The following FOCAD variants were observed in gnomAD, a reference collection of about 807,000 sequenced individuals.
The protein encoded by FOCAD is focadhesin.
A neutral mutation model predicts 225.6 loss-of-function variants in FOCAD; 198 were observed. That is an observed-to-expected ratio of 0.88 (90% confidence interval 0.78 to 0.99). FOCAD has a LOEUF of 0.99. Among genes scored for constraint, FOCAD ranks in the 50% least tolerant of loss-of-function variants. The pLI is 0.00. For missense variants in FOCAD, 2,713 were observed against 2,123.6 expected, an observed-to-expected ratio of 1.28 and a Z score of -5.46; for synonymous variants, 897 against 755.0, an observed-to-expected ratio of 1.19 and a Z score of -3.08.
In FOCAD at chr9:20,798,641, G is replaced by A. The variant is rs1189565207; in HGVS notation, c.1455+9033G>A. Among the ~76,000 whole-genome samples the A allele has an allele frequency of 3.3e-5, 5 of 152,194 alleles. No individual in the cohort carries two copies. The East Asian group carries it at 5.8e-4, about 18-fold the overall frequency. ...TTTTCTAGTTTATTTGCTTAGAGGT[G>A]TTTATAGTATTCTCTGATGGTAGTT... On this transcript the variant is annotated intron_variant, in intron 11 of 43. Transcript: ENST00000338382.
At chr9:20,802,008 T>C (rs964003343) in intron 11 of FOCAD, among the ~76,000 whole-genome samples, 4 of 152,236 alleles carry the variant, frequency 2.6e-5, no homozygotes, top group African/African-American at 9.6e-5. Context: ...TAATAGACTC[T>C]TAGGCAAGTT....
chr9:20,778,051 C>T (rs901701042), intron 8 of FOCAD, among the ~76,000 whole-genome samples: 9 of 125,538 alleles, frequency 7.2e-5, no homozygotes, highest in Non-Finnish European at 1.1e-4. Context: ...GATCGTGCCA[C>T]AGCACTCCCG....
At chr9:20,676,701 A>G (rs1418294071) in intron 2 of FOCAD, among the ~76,000 whole-genome samples, 1 of 152,200 alleles carries the variant, frequency 6.6e-6, no homozygotes, top group Non-Finnish European at 1.5e-5. Flanking sequence ...TTTCAATGCA[A>G]GTGGAAAGGA....
chr9:20,717,776 AT>A lies in FOCAD; in HGVS notation c.58-14del, dbSNP rs1402390128. ...AACTTCTAAGGGACTGTGTTCATTA[AT>A]TTTATTTCTTTTTAAGGCTGTGGGT... On this transcript the variant is annotated splice_polypyrimidine_tract_variant and intron_variant, in intron 2 of 43. Coordinates refer to ENST00000338382, the MANE Select transcript of FOCAD (RefSeq NM_001375567.1). The A allele has an allele frequency of 1.5e-5, 24 of 1,599,734 alleles. No individual in the cohort carries two copies. The highest frequency in any genetic ancestry group is 1.9e-5 in the Non-Finnish European group (22 of 1,170,824).
At chr9:20,800,314 C>G (rs903148739) in intron 11 of FOCAD, among the ~76,000 whole-genome samples, 8 of 152,002 alleles carry the variant, frequency 5.3e-5, no homozygotes, top group African/African-American at 1.9e-4. Context: ...GTGAATCTGA[C>G]AATTATGTGT....
intron 21 of FOCAD, among the ~76,000 whole-genome samples, chr9:20,890,640 G>T (rs1831533480): frequency 6.6e-6 from 1 of 152,010 alleles, no homozygotes; most frequent in South Asian, 2.1e-4. Flanking sequence ...TTTTCTTGTA[G>T]TAATTTTGCC....
At chr9:20,946,047 A>G (rs1307007783) in intron 29 of FOCAD, among the ~76,000 whole-genome samples, 1 of 151,690 alleles carries the variant, frequency 6.6e-6, no homozygotes, top group East Asian at 1.9e-4. Context: ...TCTTGGCTCC[A>G]TTCCCACCAT....
At chr9:20,867,932 A>T (rs1402971700) in intron 18 of FOCAD, among the ~76,000 whole-genome samples, 1 of 152,100 alleles carries the variant, frequency 6.6e-6, no homozygotes, top group Non-Finnish European at 1.5e-5. Context: ...CTGTTTACTG[A>T]ATTGAATTGG....
chr9:20,829,631 C>T (rs1825285623), intron 15 of FOCAD, among the ~76,000 whole-genome samples: 1 of 152,030 alleles, frequency 6.6e-6, no homozygotes, highest in African/African-American at 2.4e-5. Flanking sequence ...TAAAAGAATT[C>T]TGTCCTGATG....
intron 1 of FOCAD, among the ~76,000 whole-genome samples, chr9:20,706,436 G>A (rs1053100757): frequency 1.3e-5 from 2 of 152,138 alleles, no homozygotes; most frequent in African/African-American, 4.8e-5. Context: ...CAGCCAGTGA[G>A]ATCATCTGAA....
intron 1 of FOCAD, among the ~76,000 whole-genome samples, chr9:20,698,411 TA>T (rs1186187818): frequency 1.3e-5 from 2 of 152,116 alleles, no homozygotes; most frequent in Non-Finnish European, 2.9e-5. Flanking sequence ...TATTTATTTT[TA>T]TTTTTGAGAT....
chr9:20,763,345 A>G (rs946272144), intron 6 of FOCAD, among the ~76,000 whole-genome samples: 3 of 152,188 alleles, frequency 2.0e-5, no homozygotes, highest in African/African-American at 7.2e-5. Context: ...AATCTCAGCT[A>G]CTTGGGAGAC....
intron 6 of FOCAD, among the ~76,000 whole-genome samples, chr9:20,760,380 T>C (rs1829474203): frequency 6.6e-6 from 1 of 152,254 alleles, no homozygotes; most frequent in Non-Finnish European, 1.5e-5. Flanking sequence ...AAATCTAATA[T>C]GTCATAGTAG....
At chr9:20,757,620 G>A (rs1829173806) in intron 5 of FOCAD, among the ~76,000 whole-genome samples, 1 of 152,156 alleles carries the variant, frequency 6.6e-6, no homozygotes. Flanking sequence ...TGGGAATAAT[G>A]AAGTACCTGG....
At chr9:20,794,169 T>C (rs1820823548) in intron 11 of FOCAD, among the ~76,000 whole-genome samples, 1 of 152,206 alleles carries the variant, frequency 6.6e-6, no homozygotes, top group African/African-American at 2.4e-5. Context: ...AATTTAACAA[T>C]GTAACTAACC....
intron 24 of FOCAD, 24 bp from the exon 25 acceptor site, chr9:20,923,634 GTT>G (rs763167805): frequency 1.8e-5 from 29 of 1,589,222 alleles, no homozygotes; most frequent in Non-Finnish European, 6.9e-6. Flanking sequence ...AAAGTTCTCT[GTT>G]GAAATTTTTT....
At chr9:20,988,826 T>G (rs893336063) in intron 41 of FOCAD, among the ~76,000 whole-genome samples, 1 of 152,142 alleles carries the variant, frequency 6.6e-6, no homozygotes, top group Non-Finnish European at 1.5e-5. Context: ...AATATAGGGC[T>G]CTGGCCTCCA....
chr9:20,967,811 C>G (rs549240231), intron 35 of FOCAD, among the ~76,000 whole-genome samples: 2 of 152,046 alleles, frequency 1.3e-5, no homozygotes, highest in South Asian at 4.2e-4. Flanking sequence ...ACTTTGCATT[C>G]CTGGGATAAA....
chr9:20,821,993 T>G (rs1824369750), intron 14 of FOCAD, among the ~76,000 whole-genome samples: 1 of 93,632 alleles, frequency 1.1e-5, no homozygotes, highest in African/African-American at 4.6e-5. Flanking sequence ...ATGTAAAAGT[T>G]ACTAAAAAAA....
Sources: gnomAD v4.1 joint callset for allele counts (sites outside exome capture counted in the v4.1 genomes callset) on GRCh38, gnomAD v4.1.1 for gene constraint, MANE v1.5 for transcripts, NCBI Gene and HGNC (gene_info 2026-07-23, HGNC 2026-07-21) for gene names.